Variants in RAB27B observed in about 807,000 individuals in gnomAD.
RAB27B encodes the protein ras-related protein Rab-27B.
RAB27B carries 15 observed loss-of-function variants against 24.6 expected under a neutral mutation model. That is an observed-to-expected ratio of 0.61 (90% CI 0.41 to 0.94). The LOEUF (loss-of-function observed/expected upper bound fraction) is 0.94, where lower values mean the gene tolerates loss of function less well. Ranked by LOEUF, RAB27B falls within the 40% of genes least tolerant of loss-of-function variation. The pLI, the probability that RAB27B is intolerant of heterozygous loss-of-function variation, is 0.00. For missense variants in RAB27B, 261 were observed against 266.8 expected (o/e 0.98, Z 0.15); for synonymous variants, 105 against 92.5 (o/e 1.14, Z -0.78).
chr18:54,788,456 C>G (rs1568066056), intron 2 of RAB27B, among the ~76,000 whole-genome samples: 1 of 152,162 alleles, frequency 6.6e-6, no homozygotes, highest in African/African-American at 2.4e-5. Context: ...GTGCCTGACA[C>G]CACACCCAGC....
intron 2 of RAB27B, among the ~76,000 whole-genome samples, chr18:54,803,468 T>C (rs1909673794): frequency 6.6e-6 from 1 of 152,150 alleles, no homozygotes; most frequent in African/African-American, 2.4e-5. Context: ...TGTTTTCCCC[T>C]AAACATGATC....
intron 1 of RAB27B, among the ~76,000 whole-genome samples, chr18:54,852,223 T>C (rs900607569): frequency 6.6e-5 from 10 of 152,290 alleles, no homozygotes; most frequent in African/African-American, 2.4e-4. Flanking sequence ...CCCCACTGGC[T>C]AAGTGGTACG....
At position 54,733,653 on chromosome 18, in the gene RAB27B, C is replaced by G. The variant is rs546864261; in HGVS notation, c.-20+15512C>G. On this transcript the variant is annotated intron_variant, in intron 2 of 4. Coordinates refer to the RAB27B transcript ENST00000586570. ...AGGTGAAATCTTCTGTTCTAGAGCCCCCCCCCCCCAAATTTGCTAAGCTCC... is the reference window on the plus strand; with the variant it reads ...AGGTGAAATCTTCTGTTCTAGAGCCGCCCCCCCCCAAATTTGCTAAGCTCC... 9.8e-5 allele frequency among the ~76,000 whole-genome samples: 12 copies of G among 122,628 alleles called. 2 individuals carry two copies. Among genetic ancestry groups the G allele is most frequent in the Admixed American group, 3.2e-4 (4 of 12,656 alleles). The allele number at this position is 122,628 out of a possible 152,430, so 80.4% of individuals were successfully genotyped here. A position where few individuals can be genotyped will look rare whatever the true frequency, so the allele number is the denominator to read the frequency against.
chr18:54,731,477 T>A (rs139956956), intron 2 of RAB27B, among the ~76,000 whole-genome samples: 2,519 of 152,256 alleles, frequency 0.017, 30 homozygotes, highest in Admixed American at 0.026. Context: ...TCCCAGCACT[T>A]TGGGAGGCTG....
At chr18:54,863,861 GA>G (rs1912105031) in intron 1 of RAB27B, among the ~76,000 whole-genome samples, 1 of 152,140 alleles carries the variant, frequency 6.6e-6, no homozygotes, top group Admixed American at 6.5e-5. Flanking sequence ...TCCTTTCTGT[GA>G]AGAATAACAT....
intron 1 of RAB27B, among the ~76,000 whole-genome samples, chr18:54,838,742 A>G (rs955482400): frequency 6.6e-6 from 1 of 152,152 alleles, no homozygotes; most frequent in Non-Finnish European, 1.5e-5. Flanking sequence ...AGTTAGACAC[A>G]TACCTACAAA....
At chr18:54,722,698 G>A (rs976380603) in intron 2 of RAB27B, among the ~76,000 whole-genome samples, 11 of 152,118 alleles carry the variant, frequency 7.2e-5, no homozygotes, top group African/African-American at 1.9e-4. Context: ...TCTCATAGGC[G>A]TGCAGCCATG....
At position 54,724,619 on chromosome 18, in the gene RAB27B, G is replaced by A. The variant is rs769465115; in HGVS notation, c.-20+6478G>A. Among the ~76,000 whole-genome samples the A allele has an allele frequency of 2.2e-4, 33 of 151,384 alleles. 2 individuals are homozygous for A. Among genetic ancestry groups the A allele is most frequent in the Non-Finnish European group, 3.5e-4 (24 of 67,672 alleles). ...TGCTCCTGAGGTGGGAGAATTGCTT[G>A]AACCTGGGAGACGAAGGTTGCAGTG... On this transcript the variant is annotated intron_variant, in intron 2 of 4. Transcript: ENST00000586570.
rs774575893 is a variant in RAB27B at position 54,884,407 on chromosome 18, A to T, written c.314A>T (p.Gln105Leu). ...TTAATGTTTGACCTCACCAGTCAAC[A>T]GAGCTTCTTAAATGTCAGAAACTGG... ...FLLMFDLTSQ[Q>L]SFLNVRNWMS... The change falls in exon 4 of 6, where the codon CAG (glutamine) becomes CTG (leucine). Residue 105 changes from glutamine (Q) to leucine (L), a missense_variant. Gln to Leu is a moderately radical substitution (Grantham distance 113, BLOSUM62 -2). Transcript: ENST00000262094. 11 of 1,611,894 alleles carry T rather than the reference A, an allele frequency of 6.8e-6. No individual in the cohort carries two copies. In the South Asian group the frequency reaches 1.2e-4, roughly 18 times the overall value.
intron 1 of RAB27B, among the ~76,000 whole-genome samples, chr18:54,833,589 C>G (rs1299792663): frequency 6.6e-6 from 1 of 151,988 alleles, no homozygotes; most frequent in Non-Finnish European, 1.5e-5. Context: ...CTAGACAACA[C>G]CAAAAGAAAA....
chr18:54,873,642 CA>C (rs567335973), intron 1 of RAB27B, among the ~76,000 whole-genome samples: 7 of 145,472 alleles, frequency 4.8e-5, no homozygotes, highest in South Asian at 4.3e-4. Flanking sequence ...TTTTAGGACT[CA>C]AAAAAATCAC....
rs898597162 is a variant in RAB27B, at chr18:54,755,393, AAATT to A, written c.-20+37255_-20+37258del. Among the ~76,000 whole-genome samples, 3 of 152,262 alleles carry A rather than the reference AAATT, an allele frequency of 2.0e-5. No individual in the cohort carries two copies. The East Asian group carries it at 5.8e-4, about 29-fold the overall frequency. On this transcript the variant is annotated intron_variant, in intron 2 of 4. Transcript: ENST00000586570. Reference sequence around the variant, plus strand: ...CAACAGAGCAAGACTCCATCTCAAAAAATTAAATAAATAAATAAATAACTTAAAA... The same window carrying A: ...CAACAGAGCAAGACTCCATCTCAAAAAAATAAATAAATAAATAACTTAAAA...
At chr18:54,865,040 G>T (rs956532294) in intron 1 of RAB27B, among the ~76,000 whole-genome samples, 4 of 152,058 alleles carry the variant, frequency 2.6e-5, no homozygotes, top group African/African-American at 9.7e-5. Context: ...TAGACTAAAA[G>T]ATAATAGACT....
At chr18:54,805,286 G>C (rs1909756616) in intron 2 of RAB27B, among the ~76,000 whole-genome samples, 1 of 152,082 alleles carries the variant, frequency 6.6e-6, no homozygotes, top group Admixed American at 6.6e-5. Context: ...GGGTCACTGT[G>C]GCATTCATCC....
At chr18:54,813,513 C>G (rs569236578) in intron 2 of RAB27B, among the ~76,000 whole-genome samples, 2 of 152,290 alleles carry the variant, frequency 1.3e-5, no homozygotes, top group South Asian at 4.1e-4. Context: ...CTGATTGTTT[C>G]AAAGAGCATG....
chr18:54,719,680 T>C (rs148020129), intron 2 of RAB27B, among the ~76,000 whole-genome samples: 1 of 152,170 alleles, frequency 6.6e-6, no homozygotes, highest in Non-Finnish European at 1.5e-5. Context: ...TTAAACCTAT[T>C]TTTGCATTGG....
chr18:54,892,995 CA>C lies in RAB27B; in HGVS notation c.*3585del, dbSNP rs1913428748. ...CCACAATATGATGTTCTTTAAGCTGCAAATTGAGTACACTGGGAATCAACAA... is the reference window on the plus strand; with the variant it reads ...CCACAATATGATGTTCTTTAAGCTGCAATTGAGTACACTGGGAATCAACAA... On this transcript the variant is annotated 3_prime_UTR_variant, in exon 6 of 6. Transcript: ENST00000262094. The C allele has an allele frequency of 6.6e-6, 1 of 151,978 alleles. No individual in the cohort carries two copies. The highest frequency in any genetic ancestry group is 1.5e-5 in the Non-Finnish European group (1 of 67,944). 9.4% of individuals were successfully genotyped at this position (151,978 alleles called of 1,614,324 possible). A position where few individuals can be genotyped will look rare whatever the true frequency, so the allele number is the denominator to read the frequency against.
chr18:54,722,350 T>G (rs1909386141), intron 2 of RAB27B, among the ~76,000 whole-genome samples: 2 of 152,058 alleles, frequency 1.3e-5, no homozygotes, highest in Admixed American at 6.6e-5. Context: ...TGTTATTAAT[T>G]TTGCTTATTT....
intron 2 of RAB27B, among the ~76,000 whole-genome samples, chr18:54,733,912 T>C (rs1007415791): frequency 6.6e-6 from 1 of 152,156 alleles, no homozygotes; most frequent in African/African-American, 2.4e-5. Context: ...AAATAACTTA[T>C]TACCTTGGAA....
Sources: allele counts gnomAD v4.1 joint callset (sites outside exome capture counted in the v4.1 genomes callset), GRCh38; gene constraint gnomAD v4.1.1; transcripts MANE v1.5; gene names NCBI Gene and HGNC (gene_info 2026-07-23, HGNC 2026-07-21).